The following SLC1A6 variants were observed in gnomAD, a reference collection of about 807,000 sequenced individuals.
The protein encoded by SLC1A6 is solute carrier family 1 member 6.
In SLC1A6, 15 loss-of-function variants were observed where a neutral mutation model predicts 42.1. That is an observed-to-expected ratio of 0.36 (90% CI 0.24 to 0.55). SLC1A6 has a LOEUF of 0.55. SLC1A6 is among the 20% of genes least tolerant of loss of function. SLC1A6 has a pLI of 0.88. For synonymous variants in SLC1A6, 317 were observed against 319.7 expected (o/e 0.99, Z 0.09); for missense variants, 542 against 772.5 (o/e 0.70, Z 3.54).
At chr19:14,989,291 C>T (rs2045807197) in intron 1 of SLC1A6, among the ~76,000 whole-genome samples, 1 of 152,076 alleles carries the variant, frequency 6.6e-6, no homozygotes, top group African/African-American at 2.4e-5. Context: ...GGAGGAGTTT[C>T]ACTCTGGTTG....
intron 1 of SLC1A6, among the ~76,000 whole-genome samples, chr19:14,985,861 G>A (rs2045790078): frequency 6.6e-6 from 1 of 152,154 alleles, no homozygotes; most frequent in African/African-American, 2.4e-5. Flanking sequence ...AGGAGGCTGA[G>A]GCAGAAGAAT....
intron 1 of SLC1A6, among the ~76,000 whole-genome samples, chr19:14,996,562 T>TTCTTCTTCTTCTTCTTCTTCC (rs1248878865): frequency 7.3e-6 from 1 of 136,944 alleles, no homozygotes; most frequent in East Asian, 2.0e-4. Flanking sequence ...CTTCTTCTTG[T>TTCTTCTTCTTCTTCTTCTTCC]TCTTCTTCCT....
At chr19:15,000,615 A>G (rs1229952892) in intron 1 of SLC1A6, among the ~76,000 whole-genome samples, 1 of 152,098 alleles carries the variant, frequency 6.6e-6, no homozygotes, top group African/African-American at 2.4e-5. Flanking sequence ...AACCGGATGG[A>G]CTCAGGTTCA....
intron 1 of SLC1A6, among the ~76,000 whole-genome samples, chr19:15,005,934 G>A (rs896544025): frequency 6.6e-5 from 10 of 152,228 alleles, no homozygotes; most frequent in Non-Finnish European, 1.5e-4. Flanking sequence ...ACACCAGGCA[G>A]CAAGCCTACC....
At chr19:14,951,078 C>CAAAAAAAAA (rs59828742) in intron 9 of SLC1A6, among the ~76,000 whole-genome samples, 95 of 79,370 alleles carry the variant, frequency 1.2e-3, no homozygotes, top group Non-Finnish European at 1.5e-3. Context: ...ACTAAAAATA[C>CAAAAAAAAA]AAAAAAAAAA....
intron 1 of SLC1A6, among the ~76,000 whole-genome samples, chr19:14,985,091 A>C (rs2045786833): frequency 6.6e-6 from 1 of 152,236 alleles, no homozygotes; most frequent in Non-Finnish European, 1.5e-5. Flanking sequence ...CGTGTTGGCC[A>C]GGCTGGTCTT....
chr19:14,990,628 G>T (rs2045814848), intron 1 of SLC1A6, among the ~76,000 whole-genome samples: 1 of 152,114 alleles, frequency 6.6e-6, no homozygotes, highest in African/African-American at 2.4e-5. Context: ...AATTAGCCAG[G>T]AGTGGTGGCG....
Position 14,968,426 on chromosome 19 carries a change from G to A in SLC1A6, c.425C>T (p.Ala142Val), listed in dbSNP as rs2045598701. ...AVYYMVTTII[A>V]VFIGILMVTI... ...GACCATGAGGATGCCGATGAAGACC[G>A]CGATGATGGTGGTCACCATGTAGTA... Residue 142 changes from alanine (A) to valine (V), a missense_variant, in exon 4 of 10, where the codon GCG (alanine) becomes GTG (valine). By Grantham distance (64) the Ala-to-Val change is moderately conservative. Coordinates refer to ENST00000594383, the MANE Select transcript of SLC1A6 (RefSeq NM_005071.3). 1.2e-6 allele frequency: 2 copies of A among 1,613,656 alleles called. No homozygotes were observed. Among genetic ancestry groups the A allele is most frequent in the East Asian group, 2.2e-5 (1 of 44,870 alleles).
chr19:15,002,886 T>C (rs1197762237), intron 1 of SLC1A6, among the ~76,000 whole-genome samples: 1 of 113,072 alleles, frequency 8.8e-6, no homozygotes, highest in Non-Finnish European at 1.9e-5. Context: ...GCCTGAGCCA[T>C]TATTTTTGTT....
chr19:14,960,531 AT>A (rs2045500149), intron 6 of SLC1A6, among the ~76,000 whole-genome samples: 1 of 152,242 alleles, frequency 6.6e-6, no homozygotes, highest in Non-Finnish European at 1.5e-5. Context: ...GGGGAAGTAA[AT>A]GGGTGAATAA....
At chr19:14,964,420 A>C (rs2045550759) in intron 4 of SLC1A6, 59 bp from the exon 5 acceptor site, 1 of 1,342,068 alleles carries the variant, frequency 7.5e-7, no homozygotes, top group African/African-American at 1.4e-5. Flanking sequence ...ATCTAGGGTG[A>C]TAACAGTAAT....
intron 1 of SLC1A6, among the ~76,000 whole-genome samples, chr19:14,992,328 C>T (rs2045824544): frequency 6.6e-6 from 1 of 152,210 alleles, no homozygotes; most frequent in Non-Finnish European, 1.5e-5. Flanking sequence ...TGACTGGTAT[C>T]TCAACCTCAC....
intron 4 of SLC1A6, among the ~76,000 whole-genome samples, chr19:14,967,009 C>A (rs921182297): frequency 6.6e-6 from 1 of 152,000 alleles, no homozygotes; most frequent in African/African-American, 2.4e-5. Flanking sequence ...GAAACCTGCA[C>A]GTTCTGCACA....
rs563252747 is a variant in SLC1A6 at position 14,972,837 on chromosome 19, C to G, written c.74G>C (p.Arg25Pro). 1 of 1,604,128 alleles carries G rather than the reference C, an allele frequency of 6.2e-7. No individual in the cohort carries two copies. The highest frequency in any genetic ancestry group is 1.7e-4 in the Middle Eastern group (1 of 5,998). ...TCTCTGCTGCAGGCTTTCCTGCAGC[C>G]GCTGCAGCCAGCCCACCCGGCCCAG... ...QRLGRVGWLQ[R>P]LQESLQQRAL... Residue 25 changes from arginine to proline, a missense_variant, in exon 2 of 10, where the codon CGG (arginine) becomes CCG (proline). Coordinates refer to ENST00000594383, the MANE Select transcript of SLC1A6 (RefSeq NM_005071.3).
At chr19:15,010,154 C>G (rs538004089) in intron 1 of SLC1A6, among the ~76,000 whole-genome samples, 4 of 147,214 alleles carry the variant, frequency 2.7e-5, no homozygotes, top group Non-Finnish European at 6.0e-5. Flanking sequence ...CCACTGCACT[C>G]CAGCCCAGAC....
At chr19:14,995,348 A>T (rs982903366) in intron 1 of SLC1A6, among the ~76,000 whole-genome samples, 17 of 122,624 alleles carry the variant, frequency 1.4e-4, no homozygotes, top group African/African-American at 4.6e-4. Flanking sequence ...AAAAAAAGAA[A>T]GAAAGAAAGA....
upstream of SLC1A6, among the ~76,000 whole-genome samples, chr19:14,983,370 T>C (rs1291199270): frequency 6.6e-6 from 1 of 152,078 alleles, no homozygotes; most frequent in Non-Finnish European, 1.5e-5. Flanking sequence ...AAGTGCTCAG[T>C]GTGTTTCTAA....
upstream of SLC1A6, among the ~76,000 whole-genome samples, chr19:14,980,544 C>G (rs1217698370): frequency 6.6e-6 from 1 of 151,622 alleles, no homozygotes; most frequent in African/African-American, 2.4e-5. Context: ...GTAATCCCAG[C>G]ACTTTGGGAG....
rs1462846761 is a variant in SLC1A6 at position 14,968,434 on chromosome 19, G to T, written c.417C>A (p.Thr139=). The T allele has an allele frequency of 6.2e-7, 1 of 1,613,550 alleles. No individual in the cohort carries two copies. Among genetic ancestry groups the T allele is most frequent in the African/African-American group, 1.3e-5 (1 of 74,854 alleles). Residue 139 remains threonine, a synonymous_variant, in exon 4 of 10, where the codon ACC becomes ACA. Coordinates refer to ENST00000594383, the MANE Select transcript of SLC1A6 (RefSeq NM_005071.3). ...GGATGCCGATGAAGACCGCGATGAT[G>T]GTGGTCACCATGTAGTACACAGCTG... ...MRAAVYYMVT[T]IIAVFIGILM...
Sources: gnomAD v4.1 joint callset for allele counts (sites outside exome capture counted in the v4.1 genomes callset) on GRCh38, gnomAD v4.1.1 for gene constraint, MANE v1.5 for transcripts, NCBI Gene and HGNC (gene_info 2026-07-23, HGNC 2026-07-21) for gene names.